The following SORL1 variants were observed in gnomAD, a reference collection of about 807,000 sequenced individuals.
SORL1 encodes sortilin-related receptor.
Under a neutral mutation model 273.7 loss-of-function variants are expected in SORL1, and 127 were observed. The ratio of observed to expected loss-of-function variants is 0.46; its 90% CI spans 0.40 to 0.54. The LOEUF (loss-of-function observed/expected upper bound fraction) is 0.54. SORL1 is among the 20% of genes least tolerant of loss of function. SORL1 has a pLI of 0.00. For missense variants in SORL1, 2,494 were observed against 2,846.1 expected, an observed-to-expected ratio of 0.88 and a Z score of 2.81; for synonymous variants, 1,031 against 1,067.4, an observed-to-expected ratio of 0.97 and a Z score of 0.66.
In SORL1 at chr11:121,514,164, G is replaced by A. The variant is rs772202653; in HGVS notation, c.1054G>A (p.Ala352Thr). ...TRHPINEYYI[A>T]DASEDQVFVC... ...TTTGATTCCAAAGGAATATTACATC[G>A]CAGATGCCTCCGAGGACCAGGTGTT... The change falls in exon 8 of 48, where the codon GCA becomes ACA. Residue 352 changes from alanine to threonine, a missense_variant. Around this residue, in one of 3 missense-constraint regions of SORL1, gnomAD observed 710 missense variants for 882.5 expected, o/e 0.80. Transcript: ENST00000260197. The A allele has an allele frequency of 7.4e-6, 12 of 1,612,856 alleles. No individual in the cohort carries two copies. In the African/African-American group the frequency reaches 8.0e-5, roughly 11 times the overall value.
At chr11:121,568,010 C>T (rs925336091) in intron 22 of SORL1, among the ~76,000 whole-genome samples, 1 of 152,196 alleles carries the variant, frequency 6.6e-6, no homozygotes, top group African/African-American at 2.4e-5. Flanking sequence ...AAGGGATCCT[C>T]CTGTCTCAGC....
At chr11:121,592,609 G>A (rs539737066) in intron 31 of SORL1, among the ~76,000 whole-genome samples, 3 of 152,182 alleles carry the variant, frequency 2.0e-5, no homozygotes, top group South Asian at 2.1e-4. Flanking sequence ...TATTTCATGC[G>A]TGTTGATCTT....
rs752516091 is a variant in SORL1 at position 121,622,305 on chromosome 11, T to G, written c.6171+37T>G. 2.6e-6 allele frequency: 3 copies of G among 1,150,200 alleles called. No homozygotes were observed. In the Admixed American group the frequency reaches 5.3e-5, roughly 20 times the overall value. The allele number at this position is 1,150,200 out of a possible 1,614,324, so 71.2% of individuals were successfully genotyped here. ...CCTCATTCTCAATGACTTTGGAAAT[T>G]TAATTGAAATGCTGTTTCAGAGATG... is the stretch of plus-strand genomic sequence containing the variant. On this transcript the variant is annotated intron_variant, in intron 45 of 47. Transcript: ENST00000260197.
intron 1 of SORL1, among the ~76,000 whole-genome samples, chr11:121,466,304 G>T (rs1163479945): frequency 6.6e-6 from 1 of 152,158 alleles, no homozygotes; most frequent in Non-Finnish European, 1.5e-5. Flanking sequence ...TCTTCTGGGT[G>T]TGGGACCTGT....
intron 29 of SORL1, among the ~76,000 whole-genome samples, chr11:121,589,682 T>C (rs143630003): frequency 8.5e-4 from 130 of 152,284 alleles, no homozygotes; most frequent in African/African-American, 3.0e-3. Context: ...TATTATGGAG[T>C]GACCTCCCCC....
chr11:121,600,161 A>T (rs1442469484), intron 32 of SORL1, among the ~76,000 whole-genome samples: 1 of 152,250 alleles, frequency 6.6e-6, no homozygotes, highest in Admixed American at 6.5e-5. Context: ...GCTATTCATT[A>T]TTCTCAAGCA....
At chr11:121,576,787 C>T (rs1434342710) in intron 24 of SORL1, 10 of 1,496,584 alleles carry the variant, frequency 6.7e-6, no homozygotes, top group African/African-American at 4.2e-5. Flanking sequence ...ATGTTTCCTC[C>T]GTTTTGGGAG....
intron 44 of SORL1, among the ~76,000 whole-genome samples, 156 bp from the exon 45 acceptor site, chr11:121,622,006 T>C (rs984679492): frequency 5.3e-5 from 8 of 152,250 alleles, no homozygotes; most frequent in African/African-American, 1.9e-4. Context: ...ATATCTACCA[T>C]GTGCTAGGTT....
intron 12 of SORL1, 117 bp downstream of exon 12, chr11:121,532,669 C>T: frequency 1.2e-6 from 1 of 814,148 alleles, no homozygotes. Flanking sequence ...AATTTGTGAT[C>T]TCTGGATATG....
chr11:121,520,893 A>G (rs1425682351), intron 9 of SORL1, 44 bp downstream of exon 9: 3 of 1,412,152 alleles, frequency 2.1e-6, no homozygotes, highest in Non-Finnish European at 1.9e-6. Context: ...TATAAAGGAA[A>G]GAGCCCTGCT....
chr11:121,590,097 GCCACTGCATC>G lies in SORL1; in HGVS notation c.4139_4148del (p.His1380ProfsTer50), dbSNP rs1565346936. On this transcript the variant is annotated frameshift_variant, in exon 30 of 48. Coordinates refer to ENST00000260197, the MANE Select transcript of SORL1 (RefSeq NM_003105.6). LOFTEE classifies it high-confidence loss of function. ...TACTTCCAGTTTCGGTGTGAGAATG[GCCACTGCATC>G]CCCAACAGATGGAAATGTGACAGGG... 1 of 1,614,040 alleles carries G rather than the reference GCCACTGCATC, an allele frequency of 6.2e-7. No individual in the cohort carries two copies. Among genetic ancestry groups the G allele is most frequent in the African/African-American group, 1.3e-5 (1 of 74,920 alleles).
At chr11:121,555,059 A>G in intron 17 of SORL1, 128 bp from the exon 18 acceptor site, 4 of 1,010,132 alleles carry the variant, frequency 4.0e-6, no homozygotes, top group Non-Finnish European at 4.2e-6. Flanking sequence ...TGGAAAGTTT[A>G]CTAACGTAAA....
In SORL1 at chr11:121,619,872, G is replaced by A. The variant is rs751765631; in HGVS notation, c.5844G>A (p.Val1948=). 3.1e-6 allele frequency: 5 copies of A among 1,613,978 alleles called. No homozygotes were observed. The Admixed American group carries it at 8.3e-5, about 27-fold the overall frequency. Residue 1948 remains valine (V), a synonymous_variant, in exon 43 of 48, where the codon GTG becomes GTA. Transcript: ENST00000260197. ...TGGTTCATACGGGCAAAACCTCCGT[G>A]GTCATCAAGTGGGAATCACCGTATG... ...LHVVHTGKTS[V]VIKWESPYDS...
At chr11:121,519,317 C>T (rs1313029367) in intron 8 of SORL1, among the ~76,000 whole-genome samples, 2 of 151,986 alleles carry the variant, frequency 1.3e-5, no homozygotes, top group African/African-American at 2.4e-5. Context: ...ATTTGTAATG[C>T]GTGTATCATT....
intron 35 of SORL1, 79 bp from the exon 36 acceptor site, chr11:121,606,757 GTTCTTGTCC>G: frequency 1.2e-6 from 1 of 857,346 alleles, no homozygotes; most frequent in Non-Finnish European, 2.0e-6. Flanking sequence ...CTGTGGAGTC[GTTCTTGTCC>G]TTGTTCTAAG....
Position 121,631,488 on chromosome 11 carries a change from T to C in SORL1, c.*1925T>C, listed in dbSNP as rs528355215. 2 of 152,196 alleles carry C rather than the reference T, an allele frequency of 1.3e-5. No individual in the cohort carries two copies. Among genetic ancestry groups the C allele is most frequent in the Non-Finnish European group, 2.9e-5 (2 of 68,030 alleles). The allele number at this position is 152,196 out of a possible 1,614,324, so 9.4% of individuals were successfully genotyped here. A position where few individuals can be genotyped will look rare whatever the true frequency, so the allele number is the denominator to read the frequency against. On this transcript the variant is annotated 3_prime_UTR_variant, in exon 48 of 48. Transcript: ENST00000260197. ...TAAGCTCTTTAAATAGTTGAATCAT[T>C]AACAACCTGGTGGGAGGCAAGTCAT...
intron 11 of SORL1, among the ~76,000 whole-genome samples, chr11:121,523,515 C>T (rs1157532643): frequency 6.6e-6 from 1 of 151,926 alleles, no homozygotes; most frequent in Non-Finnish European, 1.5e-5. Context: ...TAACTAATAT[C>T]GATGCTGATT....
At chr11:121,561,844 T>A (rs923516573) in intron 21 of SORL1, among the ~76,000 whole-genome samples, 2 of 152,130 alleles carry the variant, frequency 1.3e-5, no homozygotes, top group African/African-American at 4.8e-5. Context: ...TCTCTTGCTG[T>A]CCTTTGGTTG....
chr11:121,496,499 T>C (rs1770943799), intron 5 of SORL1, among the ~76,000 whole-genome samples: 1 of 152,218 alleles, frequency 6.6e-6, no homozygotes, highest in Non-Finnish European at 1.5e-5. Flanking sequence ...AAAACTCTCC[T>C]TCATTCCTCT....
Sources: allele counts gnomAD v4.1 joint callset (sites outside exome capture counted in the v4.1 genomes callset), GRCh38; gene constraint gnomAD v4.1.1; regional missense constraint gnomAD v4.1.1; transcripts MANE v1.5; gene names NCBI Gene and HGNC (gene_info 2026-07-23, HGNC 2026-07-21).